The following BIN3 variants were observed in gnomAD, a reference collection of about 807,000 sequenced individuals.
BIN3 encodes the protein bridging integrator 3.
BIN3 carries 41 observed loss-of-function variants against 38.2 expected under a neutral mutation model. The observed-to-expected ratio is 1.07, with a 90% CI of 0.84 to 1.39. The LOEUF (loss-of-function observed/expected upper bound fraction) is 1.39, where lower values mean the gene tolerates loss of function less well. BIN3 is among the 40% of genes most tolerant of loss of function. BIN3 has a pLI of 0.00. For synonymous variants in BIN3, 145 were observed against 122.6 expected (o/e 1.18, Z -1.21); for missense variants, 361 against 324.3 (o/e 1.11, Z -0.87).
chr8:22,625,455 G>GGC lies in BIN3; in HGVS notation c.339-1094_339-1093dup, dbSNP rs770202741. ...GAACCCAGAGAGGAGGAAAGACGAG[G>GGC]GCAGGAAGCAGTTACTGAGACTGGG... On this transcript the variant is annotated intron_variant, in intron 6 of 8. Coordinates refer to ENST00000276416, the MANE Select transcript of BIN3 (RefSeq NM_018688.6). 1.1e-5 allele frequency: 8 copies of GGC among 701,750 alleles called. No homozygotes were observed. The South Asian group carries it at 1.2e-4, about 10-fold the overall frequency. 43.5% of individuals were successfully genotyped at this position (701,750 alleles called of 1,614,324 possible).
intron 1 of BIN3, among the ~76,000 whole-genome samples, chr8:22,662,703 C>G (rs1222678071): frequency 6.6e-6 from 1 of 152,128 alleles, no homozygotes; most frequent in Non-Finnish European, 1.5e-5. Context: ...ACATCTATCA[C>G]TCAAAGGTCA....
At chr8:22,630,982 G>T (rs999267220) in intron 4 of BIN3, among the ~76,000 whole-genome samples, 2 of 152,178 alleles carry the variant, frequency 1.3e-5, no homozygotes, top group South Asian at 4.1e-4. Flanking sequence ...GGATGGACAA[G>T]AATAACAGTA....
intron 1 of BIN3, among the ~76,000 whole-genome samples, chr8:22,648,894 CGTATGTATGTATGTATGTAT>C (rs56065322): frequency 2.0e-4 from 29 of 148,016 alleles, no homozygotes; most frequent in African/African-American, 6.3e-4. Flanking sequence ...TCCACATCAA[CGTATGTATGTATGTATGTAT>C]GTATGTATGT....
At chr8:22,666,880 G>A (rs1051831196) in intron 1 of BIN3, among the ~76,000 whole-genome samples, 4 of 152,132 alleles carry the variant, frequency 2.6e-5, no homozygotes, top group Admixed American at 2.0e-4. Flanking sequence ...CGTCACTCTG[G>A]TCTCTTCCCC....
intron 4 of BIN3, among the ~76,000 whole-genome samples, chr8:22,633,635 G>A (rs951530102): frequency 6.6e-6 from 1 of 152,214 alleles, no homozygotes; most frequent in Non-Finnish European, 1.5e-5. Flanking sequence ...GAGATTCCAC[G>A]CTCAGGAAAA....
chr8:22,630,759 T>C (rs1287101644), intron 4 of BIN3, among the ~76,000 whole-genome samples, 181 bp from the exon 5 acceptor site: 1 of 152,172 alleles, frequency 6.6e-6, no homozygotes, highest in African/African-American at 2.4e-5. Flanking sequence ...TGGTTTAATG[T>C]TCATTCCTGA....
In BIN3 at chr8:22,669,073, G is replaced by T; in HGVS notation, c.-22C>A. ...TCATGGTCCCGAACCTGCGTCTGCC[G>T]CCGGGGTCCTCAGCCACAACTCGTT... On this transcript the variant is annotated 5_prime_UTR_variant, in exon 1 of 9. Transcript: ENST00000276416. 1.9e-6 allele frequency: 3 copies of T among 1,591,026 alleles called. No homozygotes were observed. The highest frequency in any genetic ancestry group is 8.6e-7 in the Non-Finnish European group (1 of 1,169,124).
intron 1 of BIN3, among the ~76,000 whole-genome samples, chr8:22,666,304 A>C (rs1013720270): frequency 6.9e-6 from 1 of 144,886 alleles, no homozygotes; most frequent in South Asian, 2.3e-4. Flanking sequence ...AGAGACAGGA[A>C]GGGGAAAAGG....
intron 1 of BIN3, among the ~76,000 whole-genome samples, chr8:22,654,649 A>G (rs1445670674): frequency 5.3e-5 from 8 of 152,232 alleles, no homozygotes; most frequent in Admixed American, 1.3e-4. Flanking sequence ...GTCATAGCAT[A>G]TATCAGTACT....
At chr8:22,638,168 G>A (rs761522407) in intron 2 of BIN3, among the ~76,000 whole-genome samples, 1 of 152,238 alleles carries the variant, frequency 6.6e-6, no homozygotes, top group Non-Finnish European at 1.5e-5. Context: ...TGCAGAAACT[G>A]TCAAAGCCAC....
At chr8:22,639,861 C>CTTTTT (rs11388602) in intron 2 of BIN3, among the ~76,000 whole-genome samples, 1 of 148,460 alleles carries the variant, frequency 6.7e-6, no homozygotes, top group Non-Finnish European at 1.5e-5. Context: ...ACTAGACACA[C>CTTTTT]TTTTTTTTTT....
intron 6 of BIN3, chr8:22,625,558 G>A: frequency 3.2e-6 from 2 of 622,088 alleles, no homozygotes; most frequent in African/African-American, 1.8e-5. Context: ...ACACAGAGCA[G>A]GACTCCCAGA....
intron 1 of BIN3, among the ~76,000 whole-genome samples, chr8:22,651,601 T>C (rs898166638): frequency 6.6e-6 from 1 of 152,248 alleles, no homozygotes; most frequent in East Asian, 1.9e-4. Context: ...GGACATAATT[T>C]CTGCCAGAAT....
At position 22,668,127 on chromosome 8, in the gene BIN3, T is replaced by C. The variant is rs550627428; in HGVS notation, c.8+917A>G. ...CCCCTGAGGTCCAGGGTTGTGGCTA[T>C]ATAGGTCCTTGGGCCTGACGGTAAG... On this transcript the variant is annotated intron_variant, in intron 1 of 8. Transcript: ENST00000276416. Among the ~76,000 whole-genome samples the C allele has an allele frequency of 1.1e-4, 16 of 152,268 alleles. No homozygotes were observed. The South Asian group carries it at 3.3e-3, about 32-fold the overall frequency.
intron 1 of BIN3, among the ~76,000 whole-genome samples, chr8:22,667,292 GCTA>G (rs59546892): frequency 0.01 from 1,554 of 152,248 alleles, 20 homozygotes; most frequent in African/African-American, 0.034. Context: ...TAAGGAATGG[GCTA>G]CTATTTTTTC....
intron 4 of BIN3, among the ~76,000 whole-genome samples, chr8:22,631,383 T>C (rs936417162): frequency 1.3e-5 from 2 of 152,142 alleles, no homozygotes; most frequent in African/African-American, 2.4e-5. Flanking sequence ...TGGGGACTTG[T>C]ACGGGACAAA....
In BIN3 at chr8:22,644,541, G is replaced by C. The variant is rs1035916599; in HGVS notation, c.57+214C>G. On this transcript the variant is annotated intron_variant, in intron 2 of 8. Coordinates refer to ENST00000276416, the MANE Select transcript of BIN3 (RefSeq NM_018688.6). Reference sequence around the variant, plus strand: ...ATTCCCCCTGCCCAAGGATGATAAAGAGCCCAGGCTAACCTTTCCTAGGGG... The same window carrying C: ...ATTCCCCCTGCCCAAGGATGATAAACAGCCCAGGCTAACCTTTCCTAGGGG... The C allele has an allele frequency of 1.3e-5, 7 of 540,428 alleles. No homozygotes were observed. The South Asian group carries it at 1.4e-4, about 11-fold the overall frequency. The allele number at this position is 540,428 out of a possible 1,614,324, so 33.5% of individuals were successfully genotyped here.
At chr8:22,650,474 G>C (rs558239018) in intron 1 of BIN3, among the ~76,000 whole-genome samples, 13 of 152,104 alleles carry the variant, frequency 8.5e-5, no homozygotes, top group Non-Finnish European at 1.9e-4. Flanking sequence ...AGGATGACCT[G>C]CTTCCTCCAC....
At chr8:22,627,612 G>T (rs1253724812) in intron 6 of BIN3, among the ~76,000 whole-genome samples, 1 of 152,062 alleles carries the variant, frequency 6.6e-6, no homozygotes, top group Non-Finnish European at 1.5e-5. Flanking sequence ...CAGGCGTGAA[G>T]CCAGGACCCA....
Sources: gnomAD v4.1 joint callset for allele counts (sites outside exome capture counted in the v4.1 genomes callset) on GRCh38, gnomAD v4.1.1 for gene constraint, MANE v1.5 for transcripts, NCBI Gene and HGNC (gene_info 2026-07-23, HGNC 2026-07-21) for gene names.